The following VPS13B variants were observed in gnomAD, a reference collection of about 807,000 sequenced individuals.
VPS13B encodes vacuolar protein sorting 13 homolog B.
A neutral mutation model predicts 426.4 loss-of-function variants in VPS13B; 285 were observed. The ratio of observed to expected loss-of-function variants is 0.67; its 90% CI spans 0.61 to 0.74. VPS13B has a LOEUF of 0.74. VPS13B is among the 30% of genes least tolerant of loss of function. The pLI, the probability that VPS13B is intolerant of heterozygous loss-of-function variation, is 0.00. For missense variants in VPS13B, 4,537 were observed against 4,782.6 expected, an observed-to-expected ratio of 0.95 and a Z score of 1.51; for synonymous variants, 1,676 against 1,676.4, an observed-to-expected ratio of 1.00 and a Z score of 0.01.
chr8:99,585,762 C>G (rs1290045829), intron 33 of VPS13B, among the ~76,000 whole-genome samples: 1 of 152,106 alleles, frequency 6.6e-6, no homozygotes, highest in African/African-American at 2.4e-5. Context: ...CCCCTGAAAT[C>G]AACAATAAGA....
At chr8:99,575,535 C>A in intron 31 of VPS13B, 123 bp from the exon 32 acceptor site, 3 of 1,134,260 alleles carry the variant, frequency 2.6e-6, no homozygotes, top group Middle Eastern at 2.0e-4. Flanking sequence ...TGCAAATAGG[C>A]ACTCTCAAAA....
chr8:99,467,484 A>C lies in VPS13B; in HGVS notation c.3516A>C (p.Thr1172=). Residue 1172 remains threonine (T), a synonymous_variant, in exon 24 of 62, where the codon ACA becomes ACC. Transcript: ENST00000357162. ...SIYTLLGKQV[T]LCLVEPMGCT... ...ATACCCTTCTTGGAAAACAAGTGACACTTTGCCTAGTGGAACCTATGGGTT... is the reference window on the plus strand; with the variant it reads ...ATACCCTTCTTGGAAAACAAGTGACCCTTTGCCTAGTGGAACCTATGGGTT... The C allele has an allele frequency of 6.2e-7, 1 of 1,613,748 alleles. No homozygotes were observed. The highest frequency in any genetic ancestry group is 8.5e-7 in the Non-Finnish European group (1 of 1,179,782).
chr8:99,727,160 T>C (rs535742190), intron 39 of VPS13B, among the ~76,000 whole-genome samples: 4 of 152,206 alleles, frequency 2.6e-5, no homozygotes, highest in African/African-American at 9.6e-5. Context: ...CAAAATTTAA[T>C]CCCCAGTCTT....
chr8:99,701,368 A>G (rs2130193561), intron 36 of VPS13B, among the ~76,000 whole-genome samples: 1 of 152,320 alleles, frequency 6.6e-6, no homozygotes, highest in East Asian at 1.9e-4. Flanking sequence ...ACAAAATGGA[A>G]GAATTTAAAC....
At chr8:99,019,099 T>TA (rs1841759317) in intron 2 of VPS13B, among the ~76,000 whole-genome samples, 1 of 152,116 alleles carries the variant, frequency 6.6e-6, no homozygotes, top group African/African-American at 2.4e-5. Flanking sequence ...ATTTGTGAGG[T>TA]ATTCCCTCTT....
chr8:99,046,758 G>T (rs1843261159), intron 3 of VPS13B, among the ~76,000 whole-genome samples: 1 of 152,018 alleles, frequency 6.6e-6, no homozygotes, highest in Middle Eastern at 3.2e-3. Context: ...ATAAAAGGAT[G>T]CCATATTTTT....
chr8:99,459,182 C>T (rs571736719), intron 23 of VPS13B, among the ~76,000 whole-genome samples: 5 of 152,224 alleles, frequency 3.3e-5, no homozygotes, highest in African/African-American at 7.2e-5. Context: ...GGCACTTGAA[C>T]GTGTATTCTG....
chr8:99,524,356 A>G (rs1822536426), intron 30 of VPS13B, among the ~76,000 whole-genome samples: 1 of 152,208 alleles, frequency 6.6e-6, no homozygotes, highest in Non-Finnish European at 1.5e-5. Context: ...AAACCTAGAG[A>G]AAGATATCAA....
At chr8:99,429,048 C>G (rs556376612) in intron 21 of VPS13B, among the ~76,000 whole-genome samples, 57 of 152,164 alleles carry the variant, frequency 3.7e-4, no homozygotes, top group African/African-American at 9.2e-4. Context: ...CCAAACACAG[C>G]ATATTCTCAC....
chr8:99,298,572 G>C (rs376792811), intron 19 of VPS13B, among the ~76,000 whole-genome samples: 1 of 152,184 alleles, frequency 6.6e-6, no homozygotes, highest in East Asian at 1.9e-4. Flanking sequence ...CTTGGAGATC[G>C]TCAAGATGTC....
chr8:99,274,180 G>A lies in VPS13B; in HGVS notation c.2516-18G>A. On this transcript the variant is annotated intron_variant, in intron 17 of 61. Transcript: ENST00000357162. ...TTAAATTCAATCGGCTAGTACATTT[G>A]CAGTTTTCTTTTATTAGGTGTGAAA... 1 of 1,613,936 alleles carries A rather than the reference G, an allele frequency of 6.2e-7. No individual in the cohort carries two copies. Among genetic ancestry groups the A allele is most frequent in the East Asian group, 2.2e-5 (1 of 44,852 alleles).
At chr8:99,470,463 A>C (rs1217922272) in intron 24 of VPS13B, among the ~76,000 whole-genome samples, 1 of 152,200 alleles carries the variant, frequency 6.6e-6, no homozygotes, top group African/African-American at 2.4e-5. Flanking sequence ...AAAAAGAGTC[A>C]AATGGAATTT....
At chr8:99,640,046 GAAGAGAA>G (rs1195084066) in intron 33 of VPS13B, among the ~76,000 whole-genome samples, 3 of 72,752 alleles carry the variant, frequency 4.1e-5, no homozygotes, top group African/African-American at 1.8e-4. Context: ...AGAAGAAGAA[GAAGAGAA>G]AAGAAAAGAA....
In VPS13B at chr8:99,520,945, T is replaced by G; in HGVS notation, c.4680T>G (p.Ser1560=). The G allele has an allele frequency of 6.2e-7, 1 of 1,613,890 alleles. No individual in the cohort carries two copies. The highest frequency in any genetic ancestry group is 8.5e-7 in the Non-Finnish European group (1 of 1,179,768). The stretch of plus-strand genomic sequence containing the variant: ...ACACTGTGGTTTTGAAGATTGGCTC[T>G]GTTGCCATGGCTCCCCAGGCTGACA... ...KEDTVVLKIG[S]VAMAPQADNP... is the part of the protein sequence containing the mutation. The change falls in exon 30 of 62, where the codon TCT becomes TCG. Residue 1560 remains serine (S), a synonymous_variant. Transcript: ENST00000357162.
intron 30 of VPS13B, among the ~76,000 whole-genome samples, chr8:99,524,618 C>G (rs1822549135): frequency 6.6e-6 from 1 of 152,096 alleles, no homozygotes; most frequent in South Asian, 2.1e-4. Context: ...CATGATGAGA[C>G]TTCGTCTCTA....
intron 40 of VPS13B, among the ~76,000 whole-genome samples, chr8:99,770,150 C>A (rs561379462): frequency 9.3e-4 from 141 of 152,202 alleles, no homozygotes; most frequent in East Asian, 1.9e-4. Context: ...CAGAGCGAGA[C>A]CCTGTCTCAA....
chr8:99,433,453 A>T (rs1276936475), intron 22 of VPS13B, among the ~76,000 whole-genome samples: 1 of 152,244 alleles, frequency 6.6e-6, no homozygotes, highest in Non-Finnish European at 1.5e-5. Flanking sequence ...AGGCCAGAAG[A>T]CAATAGAATA....
chr8:99,315,289 G>A (rs1809559378), intron 19 of VPS13B, among the ~76,000 whole-genome samples: 1 of 150,250 alleles, frequency 6.7e-6, no homozygotes, highest in South Asian at 2.1e-4. Flanking sequence ...GCTTGATGAT[G>A]GCCTCTGTGT....
At chr8:99,087,463 C>T (rs575392147) in intron 3 of VPS13B, among the ~76,000 whole-genome samples, 31 of 152,090 alleles carry the variant, frequency 2.0e-4, no homozygotes, top group East Asian at 1.7e-3. Flanking sequence ...CACCCACTGT[C>T]CTGCATCTAC....
Sources: allele counts gnomAD v4.1 joint callset (sites outside exome capture counted in the v4.1 genomes callset), GRCh38; gene constraint gnomAD v4.1.1; transcripts MANE v1.5; gene names NCBI Gene and HGNC (gene_info 2026-07-23, HGNC 2026-07-21).